Variants in GRIA1 observed in about 807,000 individuals in gnomAD.
GRIA1 encodes the protein glutamate ionotropic receptor AMPA type subunit 1.
A neutral mutation model predicts 99.2 loss-of-function variants in GRIA1; 31 were observed. That is an observed-to-expected ratio of 0.31 (90% CI 0.23 to 0.42). GRIA1 has a LOEUF of 0.42. Ranked by LOEUF, GRIA1 falls within the 10% of genes least tolerant of loss-of-function variation. GRIA1 has a pLI of 1.00. For synonymous variants in GRIA1, 438 were observed against 432.4 expected (o/e 1.01, Z -0.16); for missense variants, 782 against 1,157.5 (o/e 0.68, Z 4.71).
At chr5:153,612,303 C>A (rs1403721140) in intron 2 of GRIA1, among the ~76,000 whole-genome samples, 2 of 152,188 alleles carry the variant, frequency 1.3e-5, no homozygotes, top group African/African-American at 4.8e-5. Flanking sequence ...GCTGAATCTA[C>A]AGTCTTCTTA....
rs528040427 is a variant in GRIA1, at chr5:153,754,927, A to G, written c.1824-9507A>G. Among the ~76,000 whole-genome samples, 492 of 152,342 alleles carry G rather than the reference A, an allele frequency of 3.2e-3. 1 individual carries two copies. The highest frequency in any genetic ancestry group is 0.011 in the African/African-American group (472 of 41,576). ...AAACAGATGCCATAGTTCTGCTGCT[A>G]TGAGAGCTACATGAGGCTCTGAGTC... On this transcript the variant is annotated intron_variant, in intron 11 of 15. Coordinates refer to ENST00000285900, the MANE Select transcript of GRIA1 (RefSeq NM_000827.4).
intron 2 of GRIA1, among the ~76,000 whole-genome samples, chr5:153,561,729 T>C (rs1581232695): frequency 6.6e-6 from 1 of 152,312 alleles, no homozygotes; most frequent in Admixed American, 6.5e-5. Context: ...GAGAATTGTA[T>C]TATTCTTACC....
At chr5:153,668,500 C>A (rs1326544493) in intron 5 of GRIA1, among the ~76,000 whole-genome samples, 5 of 152,326 alleles carry the variant, frequency 3.3e-5, no homozygotes, top group African/African-American at 7.2e-5. Flanking sequence ...GAAAGCCATG[C>A]TCTTCCAATT....
chr5:153,490,450 G>A (rs1443455844), upstream of GRIA1: 1 of 212,198 alleles, frequency 4.7e-6, no homozygotes, highest in Non-Finnish European at 9.5e-6. Flanking sequence ...GGAGGATAAG[G>A]TGAGGATGGG....
At chr5:153,492,160 A>C in intron 1 of GRIA1, 1 of 1,491,756 alleles carries the variant, frequency 6.7e-7, no homozygotes. Flanking sequence ...TGTGTGTTTG[A>C]GGGGGGATGT....
intron 2 of GRIA1, among the ~76,000 whole-genome samples, chr5:153,501,523 T>C (rs534129219): frequency 1.3e-4 from 20 of 152,312 alleles, no homozygotes; most frequent in Non-Finnish European, 2.8e-4. Context: ...GATTTTGATC[T>C]TTAGCTCAAA....
At chr5:153,709,053 T>TACATGGTAACATGAAGTATATGTC in intron 11 of GRIA1, among the ~76,000 whole-genome samples, 1 of 152,372 alleles carries the variant, frequency 6.6e-6, no homozygotes, top group South Asian at 2.1e-4. Context: ...TACTTCATCT[T>TACATGGTAACATGAAGTATATGTC]ACCTTGAACC....
chr5:153,707,294 A>G (rs1758967317), intron 11 of GRIA1, among the ~76,000 whole-genome samples: 2 of 152,188 alleles, frequency 1.3e-5, no homozygotes, highest in African/African-American at 4.8e-5. Context: ...TGGGAAAAAA[A>G]AGTGACTGAA....
chr5:153,731,206 CTCTT>C (rs1388497299), intron 11 of GRIA1, among the ~76,000 whole-genome samples: 1 of 151,870 alleles, frequency 6.6e-6, no homozygotes, highest in Non-Finnish European at 1.5e-5. Flanking sequence ...TTCTCTCTCT[CTCTT>C]TCTCTCTGTC....
rs931200555 is a variant in GRIA1 at position 153,589,214 on chromosome 5, A to G, written c.221-57714A>G. Among the ~76,000 whole-genome samples, 5 of 152,300 alleles carry G rather than the reference A, an allele frequency of 3.3e-5. No individual in the cohort carries two copies. In the South Asian group the frequency reaches 8.3e-4, roughly 25 times the overall value. On this transcript the variant is annotated intron_variant, in intron 2 of 15. Coordinates refer to ENST00000285900, the MANE Select transcript of GRIA1 (RefSeq NM_000827.4). ...TTATACTGCCTGGAGGAAGGATGGT[A>G]TAGAAATTTAAAATATTATATATGA...
intron 11 of GRIA1, among the ~76,000 whole-genome samples, chr5:153,710,008 G>T (rs1759194996): frequency 6.6e-6 from 1 of 152,134 alleles, no homozygotes; most frequent in African/African-American, 2.4e-5. Flanking sequence ...CACAGTCAAT[G>T]GTGTATGCCA....
At chr5:153,758,316 T>C (rs1762956857) in intron 11 of GRIA1, among the ~76,000 whole-genome samples, 1 of 151,938 alleles carries the variant, frequency 6.6e-6, no homozygotes, top group Admixed American at 6.6e-5. Context: ...AGAGGGTCAC[T>C]TCACCTATAA....
chr5:153,633,687 A>G (rs1358233434), intron 2 of GRIA1, among the ~76,000 whole-genome samples: 2 of 152,144 alleles, frequency 1.3e-5, no homozygotes, highest in African/African-American at 4.8e-5. Flanking sequence ...AGAGCTAATT[A>G]AATCTCACTT....
intron 4 of GRIA1, among the ~76,000 whole-genome samples, chr5:153,652,350 A>G (rs1581406112): frequency 6.6e-6 from 1 of 152,222 alleles, no homozygotes; most frequent in South Asian, 2.1e-4. Context: ...TTTAGTGTGT[A>G]TGGTATACCA....
At chr5:153,605,227 G>A (rs1489075893) in intron 2 of GRIA1, among the ~76,000 whole-genome samples, 1 of 151,958 alleles carries the variant, frequency 6.6e-6, no homozygotes, top group Non-Finnish European at 1.5e-5. Flanking sequence ...ACTTAAAAAG[G>A]CACATCAACA....
chr5:153,672,778 G>A (rs1005996293), intron 5 of GRIA1, among the ~76,000 whole-genome samples: 5 of 152,082 alleles, frequency 3.3e-5, no homozygotes, highest in African/African-American at 4.8e-5. Flanking sequence ...CTTCTCCATC[G>A]ACCATGGATC....
chr5:153,646,916 C>T lies in GRIA1; in HGVS notation c.221-12C>T. On this transcript the variant is annotated splice_polypyrimidine_tract_variant and intron_variant, in intron 2 of 15. Coordinates refer to ENST00000285900, the MANE Select transcript of GRIA1 (RefSeq NM_000827.4). ...CAGTCTTCTATTCATTAATCCTTCTCTTCTCTTGTAGTCTGTTCCCAGTTC... is the reference window on the plus strand; with the variant it reads ...CAGTCTTCTATTCATTAATCCTTCTTTTCTCTTGTAGTCTGTTCCCAGTTC... 6.2e-7 allele frequency: 1 copy of T among 1,613,038 alleles called. No individual in the cohort carries two copies. Among genetic ancestry groups the T allele is most frequent in the African/African-American group, 1.3e-5 (1 of 74,938 alleles).
At position 153,811,093 on chromosome 5, in the gene GRIA1, C is replaced by T. The variant is rs369539202; in HGVS notation, c.2589C>T (p.Ser863=). Residue 863 remains serine, a synonymous_variant, in exon 16 of 16, where the codon AGC becomes AGT. Coordinates refer to ENST00000285900, the MANE Select transcript of GRIA1 (RefSeq NM_000827.4). ...GGACATCGACCCTCCCCCGCAACAG[C>T]GGGGCAGGAGCCAGCAGCGGCGGCA... ...AIRTSTLPRN[S]GAGASSGGSG... 47 of 1,613,736 alleles carry T rather than the reference C, an allele frequency of 2.9e-5. No homozygotes were observed. In the South Asian group the frequency reaches 3.3e-4, roughly 11 times the overall value.
At chr5:153,784,585 C>A (rs1044217188) in intron 13 of GRIA1, among the ~76,000 whole-genome samples, 9 of 151,588 alleles carry the variant, frequency 5.9e-5, no homozygotes, top group African/African-American at 2.0e-4. Context: ...GAAATTTGAT[C>A]CTACCTGTAT....
Sources: allele counts gnomAD v4.1 joint callset (sites outside exome capture counted in the v4.1 genomes callset), GRCh38; gene constraint gnomAD v4.1.1; transcripts MANE v1.5; gene names NCBI Gene and HGNC (gene_info 2026-07-23, HGNC 2026-07-21).